The following DIP2C variants were observed in gnomAD, a reference collection of about 807,000 sequenced individuals.
DIP2C encodes DIP2 acetate--CoA ligase C (putative).
DIP2C carries 33 observed loss-of-function variants against 192.4 expected under a neutral mutation model. The ratio of observed to expected loss-of-function variants is 0.17; its 90% CI spans 0.13 to 0.23. DIP2C has a LOEUF of 0.23. Ranked by LOEUF, DIP2C falls within the 10% of genes least tolerant of loss-of-function variation. The pLI is 1.00. For synonymous variants in DIP2C, 979 were observed against 864.1 expected (o/e 1.13, Z -2.33); for missense variants, 1,537 against 2,110.1 (o/e 0.73, Z 5.32).
At chr10:466,847 C>T (rs1044593665) in intron 3 of DIP2C, among the ~76,000 whole-genome samples, 8 of 135,140 alleles carry the variant, frequency 5.9e-5, no homozygotes, top group African/African-American at 1.8e-4. Context: ...CATCGCACAC[C>T]AGTTAGAATG....
At chr10:400,300 A>G (rs1037563909) in intron 9 of DIP2C, among the ~76,000 whole-genome samples, 1 of 150,974 alleles carries the variant, frequency 6.6e-6, no homozygotes, top group African/African-American at 2.5e-5. Flanking sequence ...TTGGGATTAC[A>G]GATGTGAGCC....
rs187438161 is a variant in DIP2C, at chr10:421,585, T to G, written c.604+1239A>C. 1.2e-3 allele frequency among the ~76,000 whole-genome samples: 186 copies of G among 152,370 alleles called. 2 individuals carry two copies. In the East Asian group the frequency reaches 0.034, roughly 28 times the overall value. ...ACGTACTGTGATTTCAAGTACAGGT[T>G]ATTAATTCACATAAACCAGTGTACA... On this transcript the variant is annotated intron_variant, in intron 5 of 36. Transcript: ENST00000280886.
At chr10:430,010 TGA>T (rs1162421594) in intron 4 of DIP2C, among the ~76,000 whole-genome samples, 4 of 152,300 alleles carry the variant, frequency 2.6e-5, no homozygotes, top group East Asian at 1.9e-4. Context: ...CAGCAATGAA[TGA>T]GAGAGAATTC....
At chr10:609,578 A>G (rs557110020) in intron 1 of DIP2C, among the ~76,000 whole-genome samples, 1 of 152,220 alleles carries the variant, frequency 6.6e-6, no homozygotes, top group Non-Finnish European at 1.5e-5. Context: ...TATCTTTGAC[A>G]TGAAGGGCTA....
chr10:545,868 A>G (rs545270147), intron 1 of DIP2C, among the ~76,000 whole-genome samples: 45 of 152,350 alleles, frequency 3.0e-4, no homozygotes, highest in Non-Finnish European at 7.3e-5. Flanking sequence ...TTTCTCCATC[A>G]ACAGATTAGA....
At chr10:664,905 T>C (rs1025663745) in intron 1 of DIP2C, 3 of 152,032 alleles carry the variant, frequency 2.0e-5, no homozygotes, top group Non-Finnish European at 4.4e-5. Flanking sequence ...TGAAGGAATA[T>C]ATAGTAATAA....
intron 1 of DIP2C, among the ~76,000 whole-genome samples, chr10:637,639 G>A (rs1336665869): frequency 1.3e-5 from 2 of 152,228 alleles, no homozygotes; most frequent in African/African-American, 4.8e-5. Flanking sequence ...CCTCCGGGGT[G>A]AGGATTCCAA....
At position 345,206 on chromosome 10, in the gene DIP2C, C is replaced by T; in HGVS notation, c.3232-96G>A. ...CTCCTGCTTACTACATACACTAAAACCATGTAGCTTTAACGGGCAGATGAG... is the reference window on the plus strand; with the variant it reads ...CTCCTGCTTACTACATACACTAAAATCATGTAGCTTTAACGGGCAGATGAG... On this transcript the variant is annotated intron_variant, in intron 26 of 36. Coordinates refer to ENST00000280886, the MANE Select transcript of DIP2C (RefSeq NM_014974.3). 3.4e-6 allele frequency: 4 copies of T among 1,176,916 alleles called. No individual in the cohort carries two copies. In the South Asian group the frequency reaches 5.2e-5, roughly 15 times the overall value. The allele number at this position is 1,176,916 out of a possible 1,614,324, so 72.9% of individuals were successfully genotyped here.
In DIP2C at chr10:624,847, C is replaced by T. The variant is rs1390572405; in HGVS notation, c.85+64647G>A. 3.9e-5 allele frequency among the ~76,000 whole-genome samples: 6 copies of T among 152,202 alleles called. No homozygotes were observed. The South Asian group carries it at 1.0e-3, about 26-fold the overall frequency. ...GAGAAAACTACGGAAGCTGTGAAGA[C>T]GGAGGTGTGCATGTGGCCGGGAGAA... On this transcript the variant is annotated intron_variant, in intron 1 of 36. Transcript: ENST00000280886.
chr10:430,700 A>G (rs1378193031), intron 4 of DIP2C, among the ~76,000 whole-genome samples: 2 of 152,196 alleles, frequency 1.3e-5, no homozygotes, highest in Non-Finnish European at 2.9e-5. Context: ...CTTATCAATT[A>G]TTTCACACCT....
intron 1 of DIP2C, among the ~76,000 whole-genome samples, chr10:569,724 C>G (rs1588481403): frequency 6.6e-6 from 1 of 152,136 alleles, no homozygotes; most frequent in African/African-American, 2.4e-5. Flanking sequence ...GCCATCGTCA[C>G]CATGAAATAG....
chr10:449,946 A>G (rs1968719734), intron 3 of DIP2C, among the ~76,000 whole-genome samples: 1 of 150,768 alleles, frequency 6.6e-6, no homozygotes. Flanking sequence ...AGAAAATCTG[A>G]GAACAAGATA....
chr10:467,300 A>G (rs1970282305), intron 3 of DIP2C, among the ~76,000 whole-genome samples: 1 of 150,046 alleles, frequency 6.7e-6, no homozygotes, highest in Non-Finnish European at 1.5e-5. Flanking sequence ...CAAACACCAC[A>G]TATTCTCACT....
chr10:548,438 G>A (rs940963605), intron 1 of DIP2C, among the ~76,000 whole-genome samples: 2 of 149,030 alleles, frequency 1.3e-5, no homozygotes, highest in African/African-American at 5.0e-5. Flanking sequence ...GGAGGCCACC[G>A]GGATGGAGGG....
intron 1 of DIP2C, among the ~76,000 whole-genome samples, chr10:499,582 G>A (rs1845085234): frequency 6.6e-6 from 1 of 152,170 alleles, no homozygotes; most frequent in African/African-American, 2.4e-5. Flanking sequence ...ATATCTGACA[G>A]AGCAGCCAAG....
chr10:351,424 G>A (rs996466894), intron 24 of DIP2C, among the ~76,000 whole-genome samples: 10 of 152,022 alleles, frequency 6.6e-5, no homozygotes, highest in South Asian at 2.1e-4. Context: ...GGACCTCTGC[G>A]CCAGGGCCAG....
At chr10:442,928 G>C (rs1967865011) in intron 3 of DIP2C, among the ~76,000 whole-genome samples, 1 of 152,156 alleles carries the variant, frequency 6.6e-6, no homozygotes, top group South Asian at 2.1e-4. Context: ...GTGAATCCAA[G>C]TTTCTCAGCT....
At chr10:390,682 C>T in intron 11 of DIP2C, 58 bp downstream of exon 11, 5 of 1,578,566 alleles carry the variant, frequency 3.2e-6, no homozygotes, top group Non-Finnish European at 4.3e-6. Flanking sequence ...CGTATTCCCG[C>T]ACCCGTCTTC....
chr10:563,730 A>G (rs1020035636), intron 1 of DIP2C, among the ~76,000 whole-genome samples: 2 of 152,250 alleles, frequency 1.3e-5, no homozygotes, highest in African/African-American at 4.8e-5. Context: ...GTCCAGAGGA[A>G]GAGAGACTTT....
Sources: gnomAD v4.1 joint callset for allele counts (sites outside exome capture counted in the v4.1 genomes callset) on GRCh38, gnomAD v4.1.1 for gene constraint, MANE v1.5 for transcripts, NCBI Gene and HGNC (gene_info 2026-07-23, HGNC 2026-07-21) for gene names.